Variants in FGF10 observed in about 807,000 individuals in gnomAD.
The protein encoded by FGF10 is FGF-10.
In FGF10, 2 loss-of-function variants were observed where a neutral mutation model predicts 19.8. The ratio of observed to expected loss-of-function variants is 0.10; its 90% CI spans 0.04 to 0.32. The LOEUF (loss-of-function observed/expected upper bound fraction) is 0.32. FGF10 is among the 10% of genes least tolerant of loss of function. The pLI is 1.00. For synonymous variants in FGF10, 112 were observed against 94.0 expected (o/e 1.19, Z -1.10); for missense variants, 191 against 246.3 (o/e 0.78, Z 1.50).
At chr5:44,314,633 T>G (rs1362170207) in intron 1 of FGF10, among the ~76,000 whole-genome samples, 1 of 152,106 alleles carries the variant, frequency 6.6e-6, no homozygotes, top group African/African-American at 2.4e-5. Flanking sequence ...CTTTTAATAC[T>G]CATATATATA....
In FGF10 at chr5:44,301,912, C is replaced by T. The variant is rs1739972592; in HGVS notation, c.*3083G>A. ...TTATTTAAATGTAACATACTATACA[C>T]TGTTCAGCCTTTTGCGAGTTAGGAG... On this transcript the variant is annotated 3_prime_UTR_variant, in exon 3 of 3. Transcript: ENST00000264664. Among the ~76,000 whole-genome samples, 1 of 152,092 alleles carries T rather than the reference C, an allele frequency of 6.6e-6. No homozygotes were observed. The highest frequency in any genetic ancestry group is 2.1e-4 in the South Asian group (1 of 4,826).
intron 1 of FGF10, among the ~76,000 whole-genome samples, chr5:44,333,769 A>T (rs1740788570): frequency 6.6e-6 from 1 of 152,120 alleles, no homozygotes; most frequent in Admixed American, 6.6e-5. Flanking sequence ...CTGCCTCTTT[A>T]GTGCAATGGA....
In FGF10 at chr5:44,302,918, G is replaced by A. The variant is rs1739995758; in HGVS notation, c.*2077C>T. ...TTACCAAACATTTAATTTTGGTTGTGGGTGGTCTATGTTTATGTGTCAGGT... is the reference window on the plus strand; with the variant it reads ...TTACCAAACATTTAATTTTGGTTGTAGGTGGTCTATGTTTATGTGTCAGGT... On this transcript the variant is annotated 3_prime_UTR_variant, in exon 3 of 3. Transcript: ENST00000264664. Among the ~76,000 whole-genome samples the A allele has an allele frequency of 6.6e-6, 1 of 151,994 alleles. No individual in the cohort carries two copies.
rs74593580 is a variant in FGF10, at chr5:44,300,805, T to C, written c.*4190A>G. Among the ~76,000 whole-genome samples, 147 of 152,134 alleles carry C rather than the reference T, an allele frequency of 9.7e-4. No individual in the cohort carries two copies. Among genetic ancestry groups the C allele is most frequent in the African/African-American group, 3.3e-3 (137 of 41,526 alleles). The stretch of plus-strand genomic sequence containing the variant: ...CTCTCTGTGGTCATGTCACTGAAGA[T>C]TGGTCAATCACAATTCCCAAATCTC... On this transcript the variant is annotated 3_prime_UTR_variant, in exon 3 of 3. Transcript: ENST00000264664.
intron 1 of FGF10, among the ~76,000 whole-genome samples, chr5:44,372,188 C>A (rs1473814859): frequency 6.6e-6 from 1 of 152,122 alleles, no homozygotes. Context: ...CAGGGGACAG[C>A]GTCCATTGCC....
chr5:44,374,743 C>A (rs898495671), intron 1 of FGF10, among the ~76,000 whole-genome samples: 1 of 152,102 alleles, frequency 6.6e-6, no homozygotes, highest in Non-Finnish European at 1.5e-5. Flanking sequence ...ATAAACACAA[C>A]TCTGAAACTA....
chr5:44,331,761 C>T lies in FGF10; in HGVS notation c.326-21231G>A, dbSNP rs982897420. ...TACATGTGGGATTGAAAATTAAAAG[C>T]AGTTACCAGCCGGCTGTTAATAACA... On this transcript the variant is annotated intron_variant, in intron 1 of 2. Coordinates refer to ENST00000264664, the MANE Select transcript of FGF10 (RefSeq NM_004465.2). Among the ~76,000 whole-genome samples the T allele has an allele frequency of 9.2e-5, 14 of 152,046 alleles. 1 individual carries two copies. The highest frequency in any genetic ancestry group is 2.6e-4 in the Admixed American group (4 of 15,236).
intron 1 of FGF10, among the ~76,000 whole-genome samples, chr5:44,363,340 A>T (rs777584691): frequency 1.6e-4 from 25 of 151,880 alleles, no homozygotes; most frequent in Non-Finnish European, 3.2e-4. Context: ...GGAAACTTAG[A>T]TAAATGGAAG....
chr5:44,328,523 C>T (rs1740662964), intron 1 of FGF10, among the ~76,000 whole-genome samples: 1 of 152,054 alleles, frequency 6.6e-6, no homozygotes, highest in East Asian at 1.9e-4. Context: ...TTTGGGAAGC[C>T]AATGCAGGAG....
At position 44,301,335 on chromosome 5, in the gene FGF10, C is replaced by T. The variant is rs762761521; in HGVS notation, c.*3660G>A. On this transcript the variant is annotated 3_prime_UTR_variant, in exon 3 of 3. Transcript: ENST00000264664. ...AATATGAAAAAGGTAAATTTTACTT[C>T]ACTGAATAATCACAAACCTTGAATT... Among the ~76,000 whole-genome samples, 6 of 152,144 alleles carry T rather than the reference C, an allele frequency of 3.9e-5. No homozygotes were observed. Among genetic ancestry groups the T allele is most frequent in the Non-Finnish European group, 7.3e-5 (5 of 68,028 alleles).
intron 1 of FGF10, among the ~76,000 whole-genome samples, chr5:44,373,755 C>A (rs1178486419): frequency 1.3e-5 from 2 of 152,142 alleles, no homozygotes; most frequent in Non-Finnish European, 2.9e-5. Context: ...GTGCCTCACA[C>A]CTCCTCCTAA....
chr5:44,327,010 C>T (rs1190556839), intron 1 of FGF10, among the ~76,000 whole-genome samples: 1 of 152,100 alleles, frequency 6.6e-6, no homozygotes, highest in African/African-American at 2.4e-5. Flanking sequence ...GCCCAGGGTA[C>T]TCAGTGGGGT....
At chr5:44,349,483 TATATCA>T (rs1474698376) in intron 1 of FGF10, among the ~76,000 whole-genome samples, 20 of 86,844 alleles carry the variant, frequency 2.3e-4, no homozygotes, top group African/African-American at 6.6e-4. Flanking sequence ...AATATATATA[TATATCA>T]GAATATATAT....
intron 1 of FGF10, among the ~76,000 whole-genome samples, chr5:44,328,053 G>C (rs1740651637): frequency 6.6e-6 from 1 of 152,146 alleles, no homozygotes; most frequent in Non-Finnish European, 1.5e-5. Flanking sequence ...CTCTTAAATG[G>C]CTGCACTTGA....
At chr5:44,353,912 CA>C (rs35820822) in intron 1 of FGF10, among the ~76,000 whole-genome samples, 3 of 151,436 alleles carry the variant, frequency 2.0e-5, no homozygotes, top group East Asian at 3.9e-4. Flanking sequence ...AATAAATTTG[CA>C]AAAAGTGCAC....
At chr5:44,357,764 A>G (rs1362104654) in intron 1 of FGF10, among the ~76,000 whole-genome samples, 2 of 151,578 alleles carry the variant, frequency 1.3e-5, no homozygotes, top group African/African-American at 4.8e-5. Flanking sequence ...GCTTTTCAAC[A>G]TCTTGGTGAA....
At chr5:44,373,129 T>C (rs1741779265) in intron 1 of FGF10, among the ~76,000 whole-genome samples, 1 of 152,176 alleles carries the variant, frequency 6.6e-6, no homozygotes, top group African/African-American at 2.4e-5. Context: ...TCAAAAACTC[T>C]GTGGTCCTCC....
At chr5:44,351,466 TC>T (rs1264563969) in intron 1 of FGF10, among the ~76,000 whole-genome samples, 3 of 151,728 alleles carry the variant, frequency 2.0e-5, no homozygotes, top group African/African-American at 7.2e-5. Flanking sequence ...TCAGTGGTTT[TC>T]CAAAGATTTA....
At chr5:44,379,396 G>A (rs2111914067) in intron 1 of FGF10, among the ~76,000 whole-genome samples, 1 of 152,298 alleles carries the variant, frequency 6.6e-6, no homozygotes, top group East Asian at 1.9e-4. Context: ...TCTTTACCAT[G>A]TAGTAAAAAG....
Sources: allele counts gnomAD v4.1 joint callset (sites outside exome capture counted in the v4.1 genomes callset), GRCh38; gene constraint gnomAD v4.1.1; transcripts MANE v1.5; gene names NCBI Gene and HGNC (gene_info 2026-07-23, HGNC 2026-07-21).